Variants in GRIK2 observed in about 807,000 individuals in gnomAD.
GRIK2 encodes glutamate ionotropic receptor kainate type subunit 2.
GRIK2 carries 32 observed loss-of-function variants against 100.3 expected under a neutral mutation model. That is an observed-to-expected ratio of 0.32 (90% confidence interval 0.24 to 0.43). The LOEUF (loss-of-function observed/expected upper bound fraction) is 0.43. Ranked by LOEUF, GRIK2 falls within the 20% of genes least tolerant of loss-of-function variation. The probability of loss-of-function intolerance (pLI) is 1.00; values close to 1 mark genes in which losing one functional copy is unlikely to be tolerated. For synonymous variants in GRIK2, 417 were observed against 389.4 expected (o/e 1.07, Z -0.83); for missense variants, 843 against 1,114.9 (o/e 0.76, Z 3.47).
intron 7 of GRIK2, among the ~76,000 whole-genome samples, chr6:101,757,659 A>C (rs571378484): frequency 6.6e-6 from 1 of 152,324 alleles, no homozygotes; most frequent in East Asian, 1.9e-4. Flanking sequence ...GGCTTCCTAC[A>C]TGAGTAATTT....
Position 102,065,186 on chromosome 6 carries a change from G to A in GRIK2, c.2563-3161G>A, listed in dbSNP as rs1299825652. Among the ~76,000 whole-genome samples, 8 of 150,982 alleles carry A rather than the reference G, an allele frequency of 5.3e-5. No homozygotes were observed. In the East Asian group the frequency reaches 5.8e-4, roughly 11 times the overall value. ...TTGTAAGCTAAATAAAGTCTATGAC[G>A]ACAATGGTGATTTACATGTTTACAA... On this transcript the variant is annotated intron_variant, in intron 16 of 16. Coordinates refer to ENST00000369134, the MANE Select transcript of GRIK2 (RefSeq NM_021956.5).
At chr6:101,776,436 T>C (rs570230918) in intron 7 of GRIK2, among the ~76,000 whole-genome samples, 19 of 152,158 alleles carry the variant, frequency 1.2e-4, no homozygotes, top group Non-Finnish European at 2.8e-4. Flanking sequence ...AGGGTTATGG[T>C]TATATTACAA....
intron 9 of GRIK2, among the ~76,000 whole-genome samples, chr6:101,807,600 T>C (rs930588771): frequency 1.3e-5 from 2 of 151,736 alleles, no homozygotes; most frequent in African/African-American, 4.8e-5. Flanking sequence ...AGGTGTGCTG[T>C]GATTGGAGAT....
At chr6:101,421,674 A>C (rs1435957728) in intron 2 of GRIK2, among the ~76,000 whole-genome samples, 1 of 152,182 alleles carries the variant, frequency 6.6e-6, no homozygotes, top group East Asian at 1.9e-4. Flanking sequence ...TTTTTCTCCA[A>C]AATAACACCT....
chr6:101,726,968 G>A (rs1428321195), intron 7 of GRIK2, among the ~76,000 whole-genome samples: 1 of 151,978 alleles, frequency 6.6e-6, no homozygotes, highest in Admixed American at 6.6e-5. Context: ...CTCTCTACCT[G>A]TTTGAAAGTA....
intron 14 of GRIK2, among the ~76,000 whole-genome samples, chr6:101,986,432 C>G (rs1794019508): frequency 1.3e-5 from 2 of 151,776 alleles, no homozygotes; most frequent in South Asian, 2.1e-4. Flanking sequence ...CTGAGCTAGC[C>G]AAACATTACT....
intron 15 of GRIK2, among the ~76,000 whole-genome samples, chr6:102,035,931 A>G (rs1770244711): frequency 6.6e-6 from 1 of 151,360 alleles, no homozygotes; most frequent in African/African-American, 2.4e-5. Flanking sequence ...GCTTACAAAT[A>G]TAGTATTTGA....
Position 101,976,163 on chromosome 6 carries a change from T to C in GRIK2, c.2085+47531T>C, listed in dbSNP as rs75665511. Among the ~76,000 whole-genome samples, 1,306 of 151,954 alleles carry C rather than the reference T, an allele frequency of 8.6e-3. 17 individuals are homozygous for C. Among genetic ancestry groups the C allele is most frequent in the African/African-American group, 0.028 (1,168 of 41,476 alleles). ...GTGTTTAAAGATCTACAGTGAGAAA[T>C]TGGAGATGAACTCACTGGGTAACAG... is the stretch of plus-strand genomic sequence containing the variant. On this transcript the variant is annotated intron_variant, in intron 14 of 16. Transcript: ENST00000369134.
At chr6:101,882,860 T>A (rs1347642006) in intron 11 of GRIK2, among the ~76,000 whole-genome samples, 1 of 152,110 alleles carries the variant, frequency 6.6e-6, no homozygotes, top group Non-Finnish European at 1.5e-5. Flanking sequence ...CAATACCTAG[T>A]GAGTGCTGAC....
intron 2 of GRIK2, among the ~76,000 whole-genome samples, chr6:101,541,373 C>T (rs1303777303): frequency 7.6e-4 from 1 of 1,310 alleles, no homozygotes; most frequent in East Asian, 0.056. Context: ...CCAGCGCACA[C>T]AACCACACAC....
intron 2 of GRIK2, among the ~76,000 whole-genome samples, chr6:101,526,117 C>T (rs72957166): frequency 0.15 from 22,314 of 152,090 alleles, 1,850 homozygotes; most frequent in Admixed American, 0.19. Flanking sequence ...TCTATCTGTC[C>T]GACCTCAGTG....
At position 102,035,359 on chromosome 6, in the gene GRIK2, T is replaced by C; in HGVS notation, c.2104T>C (p.Tyr702His). The C allele has an allele frequency of 6.2e-7, 1 of 1,600,192 alleles. No homozygotes were observed. Among genetic ancestry groups the C allele is most frequent in the Non-Finnish European group, 8.6e-7 (1 of 1,169,542 alleles). Residue 702 changes from tyrosine to histidine, a missense_variant, in exon 15 of 17, where the codon TAT becomes CAT. By Grantham distance (83) the Tyr-to-His change is moderately conservative. Around this residue, in one of 3 missense-constraint regions of GRIK2, gnomAD observed 237 missense variants for 388.0 expected, o/e 0.61. Transcript: ENST00000369134. ...TFFKKSKIST[Y>H]DKMWAFMSSR... The stretch of plus-strand genomic sequence containing the variant: ...TCTTCAGAAATCAAAAATCTCCACG[T>C]ATGACAAAATGTGGGCCTTTATGAG...
intron 14 of GRIK2, among the ~76,000 whole-genome samples, chr6:101,937,112 C>G (rs1378205996): frequency 6.6e-6 from 1 of 152,120 alleles, no homozygotes; most frequent in Admixed American, 6.6e-5. Context: ...ATTAACGCAG[C>G]TTTGGGCGCT....
At chr6:101,949,884 T>C (rs1791507580) in intron 14 of GRIK2, among the ~76,000 whole-genome samples, 1 of 152,136 alleles carries the variant, frequency 6.6e-6, no homozygotes, top group Non-Finnish European at 1.5e-5. Flanking sequence ...GTAATGGGAT[T>C]GCTGGGCCAA....
chr6:101,666,233 G>A (rs1337603179), intron 4 of GRIK2, among the ~76,000 whole-genome samples: 3 of 152,216 alleles, frequency 2.0e-5, no homozygotes, highest in South Asian at 2.1e-4. Flanking sequence ...GCATAGGGAA[G>A]AGTCCAGGAG....
At chr6:101,712,581 T>C (rs547781765) in intron 7 of GRIK2, among the ~76,000 whole-genome samples, 84 of 151,852 alleles carry the variant, frequency 5.5e-4, no homozygotes, top group Non-Finnish European at 8.4e-4. Flanking sequence ...TATTTTTTTC[T>C]AATAAGGTAT....
intron 6 of GRIK2, among the ~76,000 whole-genome samples, chr6:101,682,897 C>T (rs948248816): frequency 5.3e-5 from 8 of 152,020 alleles, no homozygotes; most frequent in Non-Finnish European, 1.2e-4. Flanking sequence ...CCTGAGAAAT[C>T]AGTGCTTTAG....
At chr6:101,817,509 C>T (rs902187378) in intron 9 of GRIK2, among the ~76,000 whole-genome samples, 18 of 152,126 alleles carry the variant, frequency 1.2e-4, no homozygotes, top group African/African-American at 3.9e-4. Context: ...GATTTCACAT[C>T]TTCTTTTGCC....
chr6:101,806,977 A>G (rs144268250), intron 9 of GRIK2, among the ~76,000 whole-genome samples: 2 of 151,842 alleles, frequency 1.3e-5, no homozygotes, highest in African/African-American at 4.8e-5. Context: ...ACTATATATT[A>G]AGGCTTTGCA....
Sources: allele counts gnomAD v4.1 joint callset (sites outside exome capture counted in the v4.1 genomes callset), GRCh38; gene constraint gnomAD v4.1.1; regional missense constraint gnomAD v4.1.1; transcripts MANE v1.5; gene names NCBI Gene and HGNC (gene_info 2026-07-23, HGNC 2026-07-21).